PDE1A: variants seen among roughly 807,000 people sequenced by gnomAD.
PDE1A encodes the protein phosphodiesterase 1A.
PDE1A carries 35 observed loss-of-function variants against 61.7 expected under a neutral mutation model. The ratio of observed to expected loss-of-function variants is 0.57; its 90% CI spans 0.43 to 0.75. PDE1A has a LOEUF of 0.75. PDE1A is among the 30% of genes least tolerant of loss of function. The pLI is 0.00. For missense variants in PDE1A, 597 were observed against 630.6 expected, an observed-to-expected ratio of 0.95 and a Z score of 0.57; for synonymous variants, 232 against 213.2, an observed-to-expected ratio of 1.09 and a Z score of -0.77.
chr2:182,681,311 A>T, the PDE1A span, among the ~76,000 whole-genome samples: 5 of 133,116 alleles, frequency 3.8e-5, no homozygotes, highest in South Asian at 5.3e-4. Context: ...TAATTATTTA[A>T]TTATTTATTT....
At chr2:182,662,994 C>T in the PDE1A span, among the ~76,000 whole-genome samples, 2 of 151,852 alleles carry the variant, frequency 1.3e-5, no homozygotes, top group Non-Finnish European at 2.9e-5. Context: ...GAGAAAAACA[C>T]ACCACCCCAT....
chr2:182,269,214 C>T (rs894043555), intron 1 of PDE1A, among the ~76,000 whole-genome samples: 6 of 152,076 alleles, frequency 3.9e-5, no homozygotes, highest in Admixed American at 3.9e-4. Context: ...CATAAGAAAA[C>T]TCCTGGCCTA....
chr2:182,212,654 T>C lies in PDE1A; in HGVS notation c.777-6589A>G, dbSNP rs541973797. ...CTTTCCGAGTCAAAGAAAGGGGTGA[T>C]GGACGGCACCTGGAAAATTGGGTCA... On this transcript the variant is annotated intron_variant, in intron 7 of 13. Transcript: ENST00000351439. 3.3e-3 allele frequency among the ~76,000 whole-genome samples: 510 copies of C among 152,244 alleles called. 2 individuals are homozygous for C. The highest frequency in any genetic ancestry group is 0.012 in the African/African-American group (496 of 41,528).
At chr2:182,378,404 T>C (rs958819897) in intron 1 of PDE1A, among the ~76,000 whole-genome samples, 3 of 152,228 alleles carry the variant, frequency 2.0e-5, no homozygotes, top group Non-Finnish European at 2.9e-5. Flanking sequence ...AATGTTTTAA[T>C]TGGTGATGTG....
rs1333132343 is a variant in PDE1A at position 182,378,182 on chromosome 2, AAAC to A, written c.53+48393_53+48395del. Among the ~76,000 whole-genome samples, 28 of 152,338 alleles carry A rather than the reference AAAC, an allele frequency of 1.8e-4. 1 individual carries two copies. Among genetic ancestry groups the A allele is most frequent in the Admixed American group, 1.7e-3 (26 of 15,302 alleles). On this transcript the variant is annotated intron_variant, in intron 1 of 13. Transcript: ENST00000351439. ...TAAAAAGAATCAAATACTGATAACA[AAAC>A]AACATGAATTATCTCAAAAATATTA... is the stretch of plus-strand genomic sequence containing the variant.
intron 1 of PDE1A, among the ~76,000 whole-genome samples, chr2:182,373,783 A>G (rs1266916686): frequency 6.6e-6 from 1 of 152,188 alleles, no homozygotes; most frequent in Non-Finnish European, 1.5e-5. Flanking sequence ...TCAGGCAGGG[A>G]CAGATTAAAA....
chr2:182,146,330 GC>G (rs1039927430), downstream of PDE1A, among the ~76,000 whole-genome samples: 1 of 152,048 alleles, frequency 6.6e-6, no homozygotes, highest in Non-Finnish European at 1.5e-5. Context: ...CATGATATTT[GC>G]TTTATAATAT....
intron 13 of PDE1A, among the ~76,000 whole-genome samples, chr2:182,151,719 T>C (rs1690789630): frequency 6.6e-6 from 1 of 152,222 alleles, no homozygotes; most frequent in South Asian, 2.1e-4. Context: ...GAAATAAATT[T>C]GTTGTTCTTT....
At chr2:182,452,917 T>A (rs373632459) in intron 2 of PDE1A, among the ~76,000 whole-genome samples, 1 of 152,084 alleles carries the variant, frequency 6.6e-6, no homozygotes, top group Admixed American at 6.6e-5. Flanking sequence ...GCCCTGTAAA[T>A]AGGTACTAGC....
intron 1 of PDE1A, among the ~76,000 whole-genome samples, chr2:182,425,058 C>G (rs767516778): frequency 1.4e-4 from 22 of 152,276 alleles, no homozygotes; most frequent in South Asian, 4.1e-4. Context: ...AGCACCTAAG[C>G]ATATAATTAA....
the PDE1A span, among the ~76,000 whole-genome samples, chr2:182,536,982 T>C: frequency 5.3e-5 from 8 of 152,118 alleles, no homozygotes; most frequent in East Asian, 1.5e-3. Context: ...GTGCCAAACA[T>C]GTAAGTGAAG....
chr2:182,299,649 A>G (rs1299458393), intron 1 of PDE1A, among the ~76,000 whole-genome samples: 2 of 151,896 alleles, frequency 1.3e-5, no homozygotes, highest in African/African-American at 4.8e-5. Flanking sequence ...TTTCTGTGCT[A>G]GATGTGTTAT....
At chr2:182,551,706 A>G in the PDE1A span, among the ~76,000 whole-genome samples, 1 of 152,180 alleles carries the variant, frequency 6.6e-6, no homozygotes, top group Non-Finnish European at 1.5e-5. Flanking sequence ...ACCGGTATGA[A>G]CAGAGATAAG....
chr2:182,313,391 G>A (rs1190248794), intron 1 of PDE1A, among the ~76,000 whole-genome samples: 1 of 152,070 alleles, frequency 6.6e-6, no homozygotes, highest in Non-Finnish European at 1.5e-5. Context: ...TCCAGTCTAG[G>A]TGACAGAGAA....
chr2:182,174,828 G>C (rs1692582193), intron 13 of PDE1A, among the ~76,000 whole-genome samples: 1 of 151,774 alleles, frequency 6.6e-6, no homozygotes, highest in South Asian at 2.1e-4. Flanking sequence ...ACGTGTCGTG[G>C]GGGTTTGCTG....
chr2:182,439,277 G>C (rs1684640344), intron 2 of PDE1A, among the ~76,000 whole-genome samples: 2 of 151,912 alleles, frequency 1.3e-5, no homozygotes, highest in Admixed American at 1.3e-4. Context: ...CAGGGGGGTA[G>C]TGTGATGAAA....
chr2:182,481,061 AGT>A (rs1687671050), intron 2 of PDE1A, among the ~76,000 whole-genome samples: 1 of 151,902 alleles, frequency 6.6e-6, no homozygotes, highest in Non-Finnish European at 1.5e-5. Context: ...GGATGTGAAG[AGT>A]TTTACACCGG....
chr2:182,316,213 T>A (rs535752493), intron 1 of PDE1A, among the ~76,000 whole-genome samples: 20 of 152,322 alleles, frequency 1.3e-4, no homozygotes, highest in Admixed American at 5.2e-4. Flanking sequence ...CAGGGGACTT[T>A]AACATAAAAA....
the PDE1A span, among the ~76,000 whole-genome samples, chr2:182,559,963 G>A: frequency 6.6e-6 from 1 of 151,966 alleles, no homozygotes; most frequent in Non-Finnish European, 1.5e-5. Flanking sequence ...CTCAGTATGG[G>A]TAGGGAGCAG....
Sources: gnomAD v4.1 joint callset for allele counts (sites outside exome capture counted in the v4.1 genomes callset) on GRCh38, gnomAD v4.1.1 for gene constraint, MANE v1.5 for transcripts, NCBI Gene and HGNC (gene_info 2026-07-23, HGNC 2026-07-21) for gene names.